Variants in NEK10 observed in about 807,000 individuals in gnomAD.
NEK10 encodes the protein NIMA related kinase 10, also known as serine/threonine-protein kinase Nek10.
Under a neutral mutation model 159.8 loss-of-function variants are expected in NEK10, and 122 were observed. That is an observed-to-expected ratio of 0.76 (90% CI 0.66 to 0.89). The LOEUF is 0.89. Ranked by LOEUF, NEK10 falls within the 40% of genes least tolerant of loss-of-function variation. NEK10 has a pLI of 0.00. For synonymous variants in NEK10, 466 were observed against 457.1 expected (o/e 1.02, Z -0.25); for missense variants, 1,342 against 1,323.1 (o/e 1.01, Z -0.22).
intron 3 of NEK10, among the ~76,000 whole-genome samples, chr3:27,346,979 C>T (rs1347448498): frequency 6.6e-6 from 1 of 151,928 alleles, no homozygotes; most frequent in Non-Finnish European, 1.5e-5. Context: ...TTGGGGTAAC[C>T]CTAAGGTTTC....
At chr3:27,243,413 T>A (rs1575420249) in intron 23 of NEK10, among the ~76,000 whole-genome samples, 1 of 129,950 alleles carries the variant, frequency 7.7e-6, no homozygotes, top group Admixed American at 7.0e-5. Flanking sequence ...CTTTTGCCCC[T>A]AATATGGTAA....
At chr3:27,317,976 CT>C (rs1242221978) in intron 6 of NEK10, among the ~76,000 whole-genome samples, 2 of 151,936 alleles carry the variant, frequency 1.3e-5, no homozygotes, top group Non-Finnish European at 2.9e-5. Flanking sequence ...CTAATTTTTT[CT>C]ATTTTTTAGT....
At chr3:27,263,920 C>G (rs912637250) in intron 22 of NEK10, among the ~76,000 whole-genome samples, 1 of 152,110 alleles carries the variant, frequency 6.6e-6, no homozygotes, top group African/African-American at 2.4e-5. Flanking sequence ...ATGCTGGGAG[C>G]TGTTCCTATT....
chr3:27,354,232 GCTT>G (rs1336213164), intron 1 of NEK10, among the ~76,000 whole-genome samples: 1 of 152,144 alleles, frequency 6.6e-6, no homozygotes, highest in Non-Finnish European at 1.5e-5. Context: ...AAGCTCACAG[GCTT>G]CTTCTGCTAG....
intron 25 of NEK10, among the ~76,000 whole-genome samples, chr3:27,197,654 TAAG>T (rs907747635): frequency 1.3e-5 from 2 of 152,178 alleles, no homozygotes; most frequent in Admixed American, 1.3e-4. Flanking sequence ...TTTATAAGCT[TAAG>T]GAGTTTTTGA....
At position 27,108,104 on chromosome 3, in the gene NEK10, T is replaced by C. The variant is rs749958909; in HGVS notation, c.*3168A>G. ...ATTTGTTTTTGGACATCAAAATTCA[T>C]AGTATTTAATGAGTCATAGATGATA... is the stretch of plus-strand genomic sequence containing the variant. On this transcript the variant is annotated 3_prime_UTR_variant, in exon 36 of 36. Coordinates refer to ENST00000691995, the MANE Select transcript of NEK10 (RefSeq NM_001394966.1). Among the ~76,000 whole-genome samples the C allele has an allele frequency of 5.9e-5, 9 of 152,336 alleles. No individual in the cohort carries two copies. Among genetic ancestry groups the C allele is most frequent in the African/African-American group, 1.9e-4 (8 of 41,572 alleles).
chr3:27,220,898 T>C (rs551483557), intron 23 of NEK10, among the ~76,000 whole-genome samples: 9 of 152,206 alleles, frequency 5.9e-5, no homozygotes, highest in Non-Finnish European at 1.2e-4. Context: ...TTTTTGACAA[T>C]AATGACAAGA....
intron 12 of NEK10, 150 bp from the exon 13 acceptor site, chr3:27,301,985 G>A (rs1388753694): frequency 7.7e-6 from 5 of 647,074 alleles, no homozygotes; most frequent in Non-Finnish European, 1.3e-5. Flanking sequence ...ATTGATTTTT[G>A]TGTATGGTGT....
At chr3:27,280,715 C>T (rs933821249) in intron 22 of NEK10, among the ~76,000 whole-genome samples, 3 of 152,210 alleles carry the variant, frequency 2.0e-5, no homozygotes, top group East Asian at 3.9e-4. Context: ...AACTGGAACT[C>T]GCAGTGCTTC....
intron 30 of NEK10, among the ~76,000 whole-genome samples, chr3:27,145,021 C>T (rs376741368): frequency 5.9e-5 from 9 of 152,018 alleles, no homozygotes; most frequent in African/African-American, 2.2e-4. Context: ...TTATTAACTG[C>T]CAAACATTTG....
At chr3:27,367,112 G>A (rs1270761371) in intron 1 of NEK10, among the ~76,000 whole-genome samples, 2 of 152,078 alleles carry the variant, frequency 1.3e-5, no homozygotes, top group African/African-American at 4.8e-5. Flanking sequence ...GCCCAGCCCA[G>A]TGTGTTCATT....
chr3:27,267,623 G>A (rs79450782), intron 22 of NEK10, among the ~76,000 whole-genome samples: 6,269 of 152,086 alleles, frequency 0.041, 215 homozygotes, highest in African/African-American at 0.096. Context: ...CATATAAGAC[G>A]GCAAACTTAA....
intron 5 of NEK10, among the ~76,000 whole-genome samples, chr3:27,333,210 C>T (rs1263772093): frequency 6.6e-6 from 1 of 152,038 alleles, no homozygotes; most frequent in Admixed American, 6.5e-5. Flanking sequence ...CAGTAGTCCA[C>T]ATTATCACCA....
At chr3:27,334,631 A>G (rs565267493) in intron 5 of NEK10, among the ~76,000 whole-genome samples, 2 of 152,344 alleles carry the variant, frequency 1.3e-5, no homozygotes, top group South Asian at 4.1e-4. Context: ...TATCACTGAC[A>G]CTGTTTATAG....
chr3:27,284,547 C>G (rs2149460604), intron 22 of NEK10, 55 bp downstream of exon 22: 3 of 1,002,920 alleles, frequency 3.0e-6, no homozygotes, highest in East Asian at 4.7e-5. Context: ...CACTACTACT[C>G]TAGGATAGTA....
chr3:27,299,677 T>C lies in NEK10; in HGVS notation c.1168+2019A>G, dbSNP rs533924348. On this transcript the variant is annotated intron_variant, in intron 13 of 35. Transcript: ENST00000691995. ...GCCGAGAGGGAAGCTGTACCTCACA[T>C]AGCCACAGGGGCGGAGCTGCCCAAG... Among the ~76,000 whole-genome samples, 9 of 152,316 alleles carry C rather than the reference T, an allele frequency of 5.9e-5. 1 individual carries two copies. The highest frequency in any genetic ancestry group is 4.1e-4 in the South Asian group (2 of 4,828).
intron 23 of NEK10, among the ~76,000 whole-genome samples, chr3:27,203,996 G>GT (rs1358286043): frequency 1.3e-5 from 2 of 151,694 alleles, no homozygotes; most frequent in Non-Finnish European, 2.9e-5. Context: ...AACTGCTCAT[G>GT]TTAAAAAAAA....
intron 22 of NEK10, among the ~76,000 whole-genome samples, chr3:27,257,151 T>C (rs1432948515): frequency 6.6e-6 from 1 of 152,204 alleles, no homozygotes; most frequent in Non-Finnish European, 1.5e-5. Context: ...CCTGACCTTG[T>C]GATCCACCTG....
At chr3:27,255,772 C>A (rs952992975) in intron 23 of NEK10, among the ~76,000 whole-genome samples, 1 of 152,090 alleles carries the variant, frequency 6.6e-6, no homozygotes, top group African/African-American at 2.4e-5. Context: ...ACTTTGTAAA[C>A]ATATGTCTAA....
Sources: gnomAD v4.1 joint callset for allele counts (sites outside exome capture counted in the v4.1 genomes callset) on GRCh38, gnomAD v4.1.1 for gene constraint, MANE v1.5 for transcripts, NCBI Gene and HGNC (gene_info 2026-07-23, HGNC 2026-07-21) for gene names.